Variants in TRIM51G observed in about 807,000 individuals in gnomAD.
The protein encoded by TRIM51G is tripartite motif-containing protein 51G.
the TRIM51G span, chr11:48,981,643 C>A: frequency 3.2e-4 from 509 of 1,598,176 alleles, 9 homozygotes; most frequent in South Asian, 4.2e-3. Context: ...GTAGTTCATG[C>A]AGATGGGACA....
At chr11:48,979,013 C>G in the TRIM51G span, 1 of 1,240,492 alleles carries the variant, frequency 8.1e-7, no homozygotes, top group Non-Finnish European at 1.2e-6. Context: ...TTTGCAGCCT[C>G]TCCAAGTGAC....
the TRIM51G span, chr11:48,975,553 G>C: frequency 1.4e-6 from 2 of 1,394,958 alleles, no homozygotes; most frequent in South Asian, 1.2e-5. Context: ...GGAGCAATTA[G>C]GGATGGTGTA....
At chr11:48,975,961 T>G in the TRIM51G span, 4 of 715,984 alleles carry the variant, frequency 5.6e-6, no homozygotes, top group South Asian at 5.4e-5. Flanking sequence ...CAGGAAGATA[T>G]GACTACTGGC....
chr11:48,975,971 C>T, the TRIM51G span: 3 of 704,744 alleles, frequency 4.3e-6, no homozygotes, highest in Admixed American at 5.3e-5. Flanking sequence ...TGACTACTGG[C>T]TCTTGCATGC....
chr11:48,978,372 T>C, the TRIM51G span, among the ~76,000 whole-genome samples: 1 of 152,134 alleles, frequency 6.6e-6, no homozygotes, highest in South Asian at 2.1e-4. Flanking sequence ...AGACATTCTT[T>C]TTACAAGTGA....
At chr11:48,975,660 C>T in the TRIM51G span, 13 of 1,436,790 alleles carry the variant, frequency 9.0e-6, no homozygotes, top group Non-Finnish European at 1.3e-5. Context: ...GAACATATTG[C>T]ATTACAAGTG....
the TRIM51G span, chr11:48,981,403 T>A: frequency 6.2e-7 from 1 of 1,607,750 alleles, no homozygotes; most frequent in South Asian, 1.1e-5. Flanking sequence ...CTCCTTTGTC[T>A]CTCTGTGCGT....
chr11:48,977,412 C>G, the TRIM51G span, among the ~76,000 whole-genome samples: 10 of 152,130 alleles, frequency 6.6e-5, no homozygotes, highest in African/African-American at 2.4e-4. Context: ...TCGTATTGCT[C>G]CAAATTAGTA....
the TRIM51G span, chr11:48,980,804 G>C: frequency 5.1e-6 from 2 of 395,816 alleles, no homozygotes; most frequent in Admixed American, 7.2e-5. Context: ...CTTGTTTGTT[G>C]ATTTCCAGAA....
the TRIM51G span, chr11:48,981,669 G>A: frequency 3.0e-5 from 48 of 1,599,464 alleles, no homozygotes; most frequent in Non-Finnish European, 3.0e-5. Context: ...GTTCCCTCTG[G>A]AAGACTTGCA....
chr11:48,982,701 G>A, the TRIM51G span, among the ~76,000 whole-genome samples: 1 of 151,384 alleles, frequency 6.6e-6, no homozygotes, highest in Non-Finnish European at 1.5e-5. Flanking sequence ...CATAATCAAG[G>A]GAACAAATTC....
At chr11:48,976,970 T>C in the TRIM51G span, 39 of 591,922 alleles carry the variant, frequency 6.6e-5, no homozygotes, top group African/African-American at 6.8e-4. Context: ...TATCGTCATA[T>C]GGTTCACTTC....
At chr11:48,977,578 G>A in the TRIM51G span, among the ~76,000 whole-genome samples, 2,678 of 152,236 alleles carry the variant, frequency 0.018, 42 homozygotes, top group Non-Finnish European at 0.025. Flanking sequence ...GTGTTGAAAC[G>A]TGCTCCAGGC....
At chr11:48,976,593 C>T in the TRIM51G span, among the ~76,000 whole-genome samples, 1 of 152,008 alleles carries the variant, frequency 6.6e-6, no homozygotes, top group African/African-American at 2.4e-5. Context: ...TCCATTTTTA[C>T]TTCCTATTTA....
chr11:48,981,340 T>C, the TRIM51G span: 1 of 1,606,860 alleles, frequency 6.2e-7, no homozygotes, highest in Non-Finnish European at 8.5e-7. Context: ...CCGGTGCTCC[T>C]GAGAGTTGGA....
chr11:48,983,469 A>T, the TRIM51G span, among the ~76,000 whole-genome samples: 2 of 152,088 alleles, frequency 1.3e-5, no homozygotes, highest in Non-Finnish European at 2.9e-5. Flanking sequence ...ACACATATAT[A>T]GGTTTTAATG....
the TRIM51G span, among the ~76,000 whole-genome samples, chr11:48,980,688 A>C: frequency 2.0e-5 from 3 of 152,170 alleles, no homozygotes; most frequent in Non-Finnish European, 4.4e-5. Context: ...GTATGGAAAC[A>C]GATGAGCATG....
the TRIM51G span, chr11:48,979,081 C>T: frequency 1.2e-6 from 1 of 820,010 alleles, no homozygotes; most frequent in East Asian, 2.5e-5. Context: ...CTGATTGCTT[C>T]TATCCTTAAA....
At chr11:48,978,793 G>T in the TRIM51G span, 8 of 692,062 alleles carry the variant, frequency 1.2e-5, no homozygotes, top group East Asian at 2.8e-5. Flanking sequence ...AGTAAAGGGG[G>T]AGACGGATTT....
Sources: gnomAD v4.1 joint callset for allele counts (sites outside exome capture counted in the v4.1 genomes callset) on GRCh38, gnomAD v4.1.1 for gene constraint, MANE v1.5 for transcripts, NCBI Gene and HGNC (gene_info 2026-07-23, HGNC 2026-07-21) for gene names.